Variants in ZFHX3 observed in about 807,000 individuals in gnomAD.
ZFHX3 encodes zinc finger homeobox protein 3.
A neutral mutation model predicts 279.1 loss-of-function variants in ZFHX3; 42 were observed. That is an observed-to-expected ratio of 0.15 (90% confidence interval 0.12 to 0.19). ZFHX3 has a LOEUF of 0.19. Ranked by LOEUF, ZFHX3 falls within the 10% of genes least tolerant of loss-of-function variation. The pLI is 1.00. For synonymous variants in ZFHX3, 2,293 were observed against 1,957.8 expected, an observed-to-expected ratio of 1.17 and a Z score of -4.52; for missense variants, 4,981 against 4,754.0, an observed-to-expected ratio of 1.05 and a Z score of -1.40.
At chr16:73,352,474 CTTTTTTTTTT>C (rs35974156) in intron 3 of ZFHX3, among the ~76,000 whole-genome samples, 7 of 53,274 alleles carry the variant, frequency 1.3e-4, no homozygotes, top group East Asian at 4.9e-4. Context: ...CTCTCTCTCT[CTTTTTTTTTT>C]TTTTTTTTTT....
At chr16:73,000,548 G>A (rs1468934661) in intron 1 of ZFHX3, among the ~76,000 whole-genome samples, 1 of 152,106 alleles carries the variant, frequency 6.6e-6, no homozygotes, top group East Asian at 1.9e-4. Flanking sequence ...TGGTGGCATT[G>A]AGACACACAA....
At chr16:73,630,248 C>T (rs570159825) in intron 2 of ZFHX3, among the ~76,000 whole-genome samples, 3 of 149,564 alleles carry the variant, frequency 2.0e-5, no homozygotes, top group East Asian at 2.0e-4. Context: ...GATTTAACTT[C>T]GCCTCCAAAA....
At chr16:73,472,995 T>A (rs2018695463) in intron 2 of ZFHX3, among the ~76,000 whole-genome samples, 1 of 151,924 alleles carries the variant, frequency 6.6e-6, no homozygotes, top group Non-Finnish European at 1.5e-5. Context: ...GTCTTTTTTT[T>A]TTTTTTGCCA....
chr16:73,428,184 G>A (rs527842238), intron 3 of ZFHX3, among the ~76,000 whole-genome samples: 35 of 152,292 alleles, frequency 2.3e-4, no homozygotes, highest in African/African-American at 8.2e-4. Context: ...CCAGGCCTGC[G>A]GGAGCCAGGC....
intron 2 of ZFHX3, among the ~76,000 whole-genome samples, chr16:73,575,038 T>G (rs1025741839): frequency 2.0e-5 from 3 of 152,178 alleles, no homozygotes. Flanking sequence ...CCTCATGCCG[T>G]TTTGTGTGTT....
chr16:73,884,124 T>C (rs1429585875), intron 1 of ZFHX3, among the ~76,000 whole-genome samples: 1 of 152,236 alleles, frequency 6.6e-6, no homozygotes, highest in East Asian at 1.9e-4. Flanking sequence ...TGCATATTTT[T>C]ATACTACTCG....
intron 5 of ZFHX3, among the ~76,000 whole-genome samples, chr16:73,244,129 C>T (rs1294938531): frequency 6.6e-6 from 1 of 152,128 alleles, no homozygotes; most frequent in Non-Finnish European, 1.5e-5. Flanking sequence ...TGCAGGAAAG[C>T]AAGTTTGGCC....
chr16:73,862,984 G>A (rs920391616), intron 1 of ZFHX3, among the ~76,000 whole-genome samples: 2 of 104,204 alleles, frequency 1.9e-5, no homozygotes, highest in African/African-American at 9.9e-5. Flanking sequence ...AGGCTGAGGT[G>A]CATGGATCAG....
chr16:73,776,834 C>T (rs1403169350), intron 1 of ZFHX3, among the ~76,000 whole-genome samples: 1 of 152,124 alleles, frequency 6.6e-6, no homozygotes, highest in Non-Finnish European at 1.5e-5. Context: ...CTGAACCGTT[C>T]GCACTTCTTA....
intron 4 of ZFHX3, among the ~76,000 whole-genome samples, chr16:73,292,362 T>A (rs948928351): frequency 1.3e-5 from 2 of 152,026 alleles, no homozygotes; most frequent in Non-Finnish European, 2.9e-5. Context: ...TGCAAAGGAG[T>A]TCTGACATTC....
At chr16:73,003,266 T>C (rs1963561805) in intron 1 of ZFHX3, among the ~76,000 whole-genome samples, 1 of 148,768 alleles carries the variant, frequency 6.7e-6, no homozygotes. Context: ...TTATTACAAA[T>C]GGAGTTGTCA....
intron 2 of ZFHX3, among the ~76,000 whole-genome samples, chr16:73,673,353 T>G (rs1271390443): frequency 2.6e-5 from 4 of 152,210 alleles, no homozygotes; most frequent in African/African-American, 9.6e-5. Context: ...ACATAGTTTG[T>G]TTCATATGTA....
chr16:73,249,732 G>GTTGTATCT (rs1481812662), intron 5 of ZFHX3, among the ~76,000 whole-genome samples: 1 of 151,678 alleles, frequency 6.6e-6, no homozygotes. Flanking sequence ...AAATTCTACT[G>GTTGTATCT]TTGTATCTTC....
At chr16:73,460,878 G>A (rs919741571) in intron 2 of ZFHX3, among the ~76,000 whole-genome samples, 2 of 152,064 alleles carry the variant, frequency 1.3e-5, no homozygotes, top group South Asian at 2.1e-4. Flanking sequence ...CTCTCCCTTC[G>A]CCTTCCAACG....
intron 4 of ZFHX3, among the ~76,000 whole-genome samples, chr16:73,297,357 C>G (rs1167400583): frequency 1.3e-5 from 2 of 152,020 alleles, no homozygotes; most frequent in African/African-American, 4.8e-5. Flanking sequence ...GCCACTGACT[C>G]TAGGACAAAC....
At chr16:72,854,336 C>G (rs74575745) in intron 4 of ZFHX3, among the ~76,000 whole-genome samples, 1 of 152,104 alleles carries the variant, frequency 6.6e-6, no homozygotes, top group African/African-American at 2.4e-5. Context: ...ACTTCTATAC[C>G]GAAAGAAATG....
Position 73,332,704 on chromosome 16 carries a change from C to T in ZFHX3, c.-1290-14368G>A, listed in dbSNP as rs571624914. Among the ~76,000 whole-genome samples the T allele has an allele frequency of 9.5e-4, 144 of 152,240 alleles. 1 individual carries two copies. Among genetic ancestry groups the T allele is most frequent in the Admixed American group, 3.8e-3 (58 of 15,292 alleles). On this transcript the variant is annotated intron_variant, in intron 3 of 17. Coordinates refer to the ZFHX3 transcript ENST00000641206. ...GTGGACCTGGGACTAATTCAAACCA[C>T]GAACAAAAGTGATGAGGCAATGGCA...
intron 1 of ZFHX3, among the ~76,000 whole-genome samples, chr16:73,025,961 T>C (rs561671416): frequency 1.3e-5 from 2 of 152,186 alleles, no homozygotes; most frequent in East Asian, 1.9e-4. Flanking sequence ...AGACAAGTTA[T>C]GTGACCTCCA....
At chr16:73,386,533 T>C (rs755772038) in intron 3 of ZFHX3, among the ~76,000 whole-genome samples, 3 of 152,170 alleles carry the variant, frequency 2.0e-5, no homozygotes, top group Non-Finnish European at 4.4e-5. Context: ...AACATTAATA[T>C]TGTTTTAGCC....
Sources: gnomAD v4.1 joint callset for allele counts (sites outside exome capture counted in the v4.1 genomes callset) on GRCh38, gnomAD v4.1.1 for gene constraint, MANE v1.5 for transcripts, NCBI Gene and HGNC (gene_info 2026-07-23, HGNC 2026-07-21) for gene names.